The following NPAS1 variants were observed in gnomAD, a reference collection of about 807,000 sequenced individuals.
The protein encoded by NPAS1 is neuronal PAS domain protein 1.
In NPAS1, 29 loss-of-function variants were observed where a neutral mutation model predicts 49.2. That is an observed-to-expected ratio of 0.59 (90% CI 0.44 to 0.80). NPAS1 has a LOEUF of 0.80. Ranked by LOEUF, NPAS1 falls within the 30% of genes least tolerant of loss-of-function variation. The pLI, the probability that NPAS1 is intolerant of heterozygous loss-of-function variation, is 0.00. For missense variants in NPAS1, 825 were observed against 835.5 expected (o/e 0.99, Z 0.15); for synonymous variants, 408 against 380.4 (o/e 1.07, Z -0.84).
chr19:47,037,881 T>C (rs1274582209), intron 6 of NPAS1, among the ~76,000 whole-genome samples: 1 of 152,178 alleles, frequency 6.6e-6, no homozygotes, highest in Non-Finnish European at 1.5e-5. Context: ...GTGAGTCTTA[T>C]TTATTGCTAT....
Position 47,021,503 on chromosome 19 carries a change from C to T in NPAS1, c.123-109C>T, listed in dbSNP as rs2056840827. The T allele has an allele frequency of 5.5e-5, 40 of 726,168 alleles. No homozygotes were observed. The South Asian group carries it at 8.4e-4, about 15-fold the overall frequency. The allele number at this position is 726,168 out of a possible 1,614,324, so 45.0% of individuals were successfully genotyped here. ...ACCTCCAGAGATGTGGAATCCACTCCCAACGTCCCGTCCCGTTCCCAAGGC... is the reference window on the plus strand; with the variant it reads ...ACCTCCAGAGATGTGGAATCCACTCTCAACGTCCCGTCCCGTTCCCAAGGC... On this transcript the variant is annotated intron_variant, in intron 2 of 11. Coordinates refer to ENST00000602212, the MANE Select transcript of NPAS1 (RefSeq NM_002517.4). The surrounding 1 kb of genome is among the most constrained non-coding windows in gnomAD (Gnocchi z 5.7).
intron 3 of NPAS1, among the ~76,000 whole-genome samples, chr19:47,023,065 G>C (rs1456238720): frequency 6.6e-6 from 1 of 152,252 alleles, no homozygotes; most frequent in Non-Finnish European, 1.5e-5. Flanking sequence ...CCCAGGGGAA[G>C]AGGGGGGAGA....
chr19:47,045,430 G>A lies in NPAS1; in HGVS notation c.1552G>A (p.Asp518Asn). 4 of 1,604,948 alleles carry A rather than the reference G, an allele frequency of 2.5e-6. No homozygotes were observed. Among genetic ancestry groups the A allele is most frequent in the South Asian group, 1.1e-5 (1 of 90,276 alleles). Residue 518 changes from aspartate to asparagine, a missense_variant, in exon 12 of 12, where the codon GAC (aspartate) becomes AAC (asparagine). Coordinates refer to ENST00000602212, the MANE Select transcript of NPAS1 (RefSeq NM_002517.4). ...GCCATGGGGCCTGGCGCCTCCCGGG[G>A]ACCCCCCGCCCACCCTCCTGCACGC... Reference protein sequence around the residue: ...VRPWGLAPPGDPPPTLLHAGF... With the variant: ...VRPWGLAPPGNPPPTLLHAGF...
chr19:47,040,955 ATC>A (rs952373578), intron 9 of NPAS1, 21 bp from the exon 10 acceptor site: 1 of 1,403,536 alleles, frequency 7.1e-7, no homozygotes, highest in African/African-American at 1.5e-5. Context: ...CCCCCTTCCC[ATC>A]TCTCCCTGGG....
rs757134163 is a variant in NPAS1 at position 47,032,303 on chromosome 19, G to A, written c.384G>A (p.Ala128=). The change falls in exon 4 of 12, where the codon GCG becomes GCA. Residue 128 remains alanine (A), a synonymous_variant. Coordinates refer to ENST00000602212, the MANE Select transcript of NPAS1 (RefSeq NM_002517.4). ...CCCCAGGCCGCCGCGGCCCCGCAGC[G>A]CTGGTCTCCGAAGTCTTCGAGCAGC... ...GLAPGRRGPA[A]LVSEVFEQHL... 1.1e-5 allele frequency: 18 copies of A among 1,613,884 alleles called. No homozygotes were observed. In the African/African-American group the frequency reaches 1.2e-4, roughly 11 times the overall value.
At chr19:47,028,589 G>A (rs2056888222) in intron 3 of NPAS1, among the ~76,000 whole-genome samples, 1 of 152,188 alleles carries the variant, frequency 6.6e-6, no homozygotes, top group Non-Finnish European at 1.5e-5. Context: ...TGGACTGAAT[G>A]CGTAACCAGC....
intron 5 of NPAS1, among the ~76,000 whole-genome samples, chr19:47,035,655 A>C (rs2056946284): frequency 6.6e-6 from 1 of 152,116 alleles, no homozygotes. Flanking sequence ...GGTGGTAGTG[A>C]GTAAGCAGGA....
Position 47,021,200 on chromosome 19 carries a change from G to A in NPAS1, c.122+31G>A, listed in dbSNP as rs188113431. ...CAAAGCCCCGCCCCCCTGGCCGCGG[G>A]CCCCCCCCCGGGTCCAATTCACACC... is the stretch of plus-strand genomic sequence containing the variant. On this transcript the variant is annotated intron_variant, in intron 2 of 11. Transcript: ENST00000602212. The surrounding 1 kb of genome is among the most constrained non-coding windows in gnomAD (Gnocchi z 5.7). 47,775 of 1,422,180 alleles carry A rather than the reference G, an allele frequency of 0.034. 691 individuals carry two copies. Among genetic ancestry groups the A allele is most frequent in the Non-Finnish European group, 0.038 (40,530 of 1,068,338 alleles). 88.1% of individuals were successfully genotyped at this position (1,422,180 alleles called of 1,614,324 possible). A position where few individuals can be genotyped will look rare whatever the true frequency, so the allele number is the denominator to read the frequency against.
At chr19:47,043,063 T>G (rs1318083360) in intron 11 of NPAS1, among the ~76,000 whole-genome samples, 159 bp downstream of exon 11, 1 of 152,078 alleles carries the variant, frequency 6.6e-6, no homozygotes, top group Non-Finnish European at 1.5e-5. Flanking sequence ...TCCCAGCACT[T>G]TGGGAGGCCG....
intron 11 of NPAS1, 135 bp from the exon 12 acceptor site, chr19:47,045,056 A>G: frequency 1.2e-6 from 1 of 862,500 alleles, no homozygotes; most frequent in Non-Finnish European, 1.8e-6. Flanking sequence ...CAAAAACAAA[A>G]CAAACAAACA....
chr19:47,045,539 C>G lies in NPAS1; in HGVS notation c.1661C>G (p.Pro554Arg). Reference sequence around the variant, plus strand: ...CCCGCGGAGCTGGGCCTGGTGTACCCGCACCTGCAGAGGCTGGGTCCGGGC... The same window carrying G: ...CCCGCGGAGCTGGGCCTGGTGTACCGGCACCTGCAGAGGCTGGGTCCGGGC... ...YGPAELGLVY[P>R]HLQRLGPGPA... The change falls in exon 12 of 12, where the codon CCG becomes CGG. Residue 554 changes from proline (P) to arginine (R), a missense_variant. Coordinates refer to ENST00000602212, the MANE Select transcript of NPAS1 (RefSeq NM_002517.4). 1 of 1,528,576 alleles carries G rather than the reference C, an allele frequency of 6.5e-7. No individual in the cohort carries two copies. The highest frequency in any genetic ancestry group is 8.7e-7 in the Non-Finnish European group (1 of 1,144,568). The allele number at this position is 1,528,576 out of a possible 1,614,324, so 94.7% of individuals were successfully genotyped here. A position where few individuals can be genotyped will look rare whatever the true frequency, so the allele number is the denominator to read the frequency against.
intron 3 of NPAS1, among the ~76,000 whole-genome samples, chr19:47,023,538 CAA>C (rs2056854497): frequency 1.3e-5 from 2 of 152,164 alleles, no homozygotes; most frequent in African/African-American, 4.8e-5. Context: ...GGGTCCCTAA[CAA>C]GAGGCGAAGC....
intron 3 of NPAS1, among the ~76,000 whole-genome samples, chr19:47,024,247 A>C (rs1246805800): frequency 6.6e-6 from 1 of 152,134 alleles, no homozygotes; most frequent in Non-Finnish European, 1.5e-5. Flanking sequence ...TGATCATGCC[A>C]CTACACTCCA....
At chr19:47,026,660 G>A (rs963796555) in intron 3 of NPAS1, among the ~76,000 whole-genome samples, 13 of 152,030 alleles carry the variant, frequency 8.6e-5, no homozygotes, top group African/African-American at 3.1e-4. Flanking sequence ...TAGTCATACT[G>A]AAAAGAAAAG....
chr19:47,045,234 G>C lies in NPAS1; in HGVS notation c.1356G>C (p.Glu452Asp). The stretch of plus-strand genomic sequence containing the variant: ...AAGGGAAGCAGGCTGCCCCAGCGGA[G>C]AACGAGGCCCCCCAGACCCAGGGCA... The part of the protein sequence containing the change: ...PTEGKQAAPA[E>D]NEAPQTQGKR... The change falls in exon 12 of 12, where the codon GAG (glutamate) becomes GAC (aspartate). Residue 452 changes from glutamate (E) to aspartate (D), a missense_variant. Transcript: ENST00000602212. The C allele has an allele frequency of 6.2e-7, 1 of 1,613,914 alleles. No individual in the cohort carries two copies. The highest frequency in any genetic ancestry group is 8.5e-7 in the Non-Finnish European group (1 of 1,179,962).
chr19:47,043,127 C>A (rs1233123507), intron 11 of NPAS1, among the ~76,000 whole-genome samples: 2 of 150,388 alleles, frequency 1.3e-5, no homozygotes, highest in Admixed American at 1.3e-4. Flanking sequence ...GAAACCTTGT[C>A]TCTACTAAAA....
intron 10 of NPAS1, 111 bp downstream of exon 10, chr19:47,041,236 G>A: frequency 2.8e-6 from 3 of 1,065,778 alleles, no homozygotes; most frequent in Admixed American, 3.3e-5. Context: ...AGCCCAGGGG[G>A]TCTGCAGACA....
At chr19:47,028,107 C>T (rs1319928904) in intron 3 of NPAS1, among the ~76,000 whole-genome samples, 2 of 151,918 alleles carry the variant, frequency 1.3e-5, no homozygotes, top group African/African-American at 2.4e-5. Flanking sequence ...CCCCTAATCC[C>T]GACGTGCCCA....
At chr19:47,041,968 A>C (rs2057026096) in intron 10 of NPAS1, among the ~76,000 whole-genome samples, 1 of 129,998 alleles carries the variant, frequency 7.7e-6, no homozygotes. Flanking sequence ...CGACAGAGTG[A>C]GACCCTGTCT....
Sources: gnomAD v4.1 joint callset for allele counts (sites outside exome capture counted in the v4.1 genomes callset) on GRCh38, gnomAD v4.1.1 for gene constraint, Gnocchi (gnomAD v3.1) non-coding constraint, MANE v1.5 for transcripts, NCBI Gene and HGNC (gene_info 2026-07-23, HGNC 2026-07-21) for gene names.